The following USP3 variants were observed in gnomAD, a reference collection of about 807,000 sequenced individuals.
USP3 encodes the protein ubiquitin specific peptidase 3, also known as ubiquitin carboxyl-terminal hydrolase 3.
Under a neutral mutation model 72.3 loss-of-function variants are expected in USP3, and 20 were observed. That is an observed-to-expected ratio of 0.28 (90% CI 0.19 to 0.40). The LOEUF is 0.40. Ranked by LOEUF, USP3 falls within the 10% of genes least tolerant of loss-of-function variation. The probability of loss-of-function intolerance (pLI) is 1.00; values close to 1 mark genes in which losing one functional copy is unlikely to be tolerated. For synonymous variants in USP3, 222 were observed against 225.3 expected, an observed-to-expected ratio of 0.99 and a Z score of 0.13; for missense variants, 479 against 633.9, an observed-to-expected ratio of 0.76 and a Z score of 2.62.
At chr15:63,534,862 TGATTAA>T (rs1457432503) in intron 2 of USP3, among the ~76,000 whole-genome samples, 28 of 152,222 alleles carry the variant, frequency 1.8e-4, no homozygotes, top group South Asian at 1.0e-3. Flanking sequence ...TAAGAATAGG[TGATTAA>T]GATTAAGTAT....
At position 63,553,614 on chromosome 15, in the gene USP3, G is replaced by C; in HGVS notation, c.285-101G>C. On this transcript the variant is annotated intron_variant, in intron 3 of 14. Transcript: ENST00000380324. The surrounding 1 kb of genome is among the most constrained non-coding windows in gnomAD (Gnocchi z 4.2). ...TTACCACCAGCAGTAACTGCCTGCA[G>C]AGCCATGTGATCATCTTGGCAACAG... 1.0e-6 allele frequency: 1 copy of C among 993,788 alleles called. No individual in the cohort carries two copies. Among genetic ancestry groups the C allele is most frequent in the Non-Finnish European group, 1.4e-6 (1 of 701,592 alleles). The allele number at this position is 993,788 out of a possible 1,614,324, so 61.6% of individuals were successfully genotyped here.
chr15:63,566,316 TA>T (rs2066690229), intron 8 of USP3, among the ~76,000 whole-genome samples: 1 of 151,614 alleles, frequency 6.6e-6, no homozygotes, highest in Admixed American at 6.6e-5. Context: ...TTTTTTTTTT[TA>T]ATTTTATTTT....
chr15:63,540,418 C>T (rs1346909854), intron 3 of USP3, among the ~76,000 whole-genome samples: 1 of 152,110 alleles, frequency 6.6e-6, no homozygotes, highest in African/African-American at 2.4e-5. Flanking sequence ...TGTATTTTTC[C>T]CTAGTATGCA....
chr15:63,594,433 G>A lies in USP3; in HGVS notation c.*3607G>A, dbSNP rs1050188095. The A allele has an allele frequency of 6.6e-6, 1 of 152,206 alleles. No individual in the cohort carries two copies. The highest frequency in any genetic ancestry group is 6.5e-5 in the Admixed American group (1 of 15,278). The allele number at this position is 152,206 out of a possible 1,614,324, so 9.4% of individuals were successfully genotyped here. A position where few individuals can be genotyped will look rare whatever the true frequency, so the allele number is the denominator to read the frequency against. ...GTGCAGTGCCTTCCCCCTCAGGTGTGAGCGTGATGGACTCTAGACTGCCTT... is the reference window on the plus strand; with the variant it reads ...GTGCAGTGCCTTCCCCCTCAGGTGTAAGCGTGATGGACTCTAGACTGCCTT... On this transcript the variant is annotated 3_prime_UTR_variant, in exon 15 of 15. Transcript: ENST00000380324.
At position 63,558,228 on chromosome 15, in the gene USP3, G is replaced by T. The variant is rs759753094; in HGVS notation, c.533+40G>T. On this transcript the variant is annotated intron_variant, in intron 6 of 14. Coordinates refer to ENST00000380324, the MANE Select transcript of USP3 (RefSeq NM_006537.4). Reference sequence around the variant, plus strand: ...AGAGCTTAAGTGTCTGACATTAAAGGTTAAGAGCACGGGCTCTGGCTCCCT... The same window carrying T: ...AGAGCTTAAGTGTCTGACATTAAAGTTTAAGAGCACGGGCTCTGGCTCCCT... 44 of 1,608,942 alleles carry T rather than the reference G, an allele frequency of 2.7e-5. No homozygotes were observed. The Middle Eastern group carries it at 4.9e-4, about 18-fold the overall frequency.
chr15:63,565,831 G>C lies in USP3; in HGVS notation c.761+2823G>C, dbSNP rs964900291. Reference sequence around the variant, plus strand: ...TTGCTGTTCTAAACAGTGCTGCAGTGAGTAGTATTTTACATACATGTGCAG... The same window carrying C: ...TTGCTGTTCTAAACAGTGCTGCAGTCAGTAGTATTTTACATACATGTGCAG... On this transcript the variant is annotated intron_variant, in intron 8 of 14. Transcript: ENST00000380324. Among the ~76,000 whole-genome samples the C allele has an allele frequency of 3.9e-5, 6 of 152,206 alleles. No individual in the cohort carries two copies. The East Asian group carries it at 7.7e-4, about 20-fold the overall frequency.
intron 8 of USP3, among the ~76,000 whole-genome samples, chr15:63,565,212 A>G (rs2066669126): frequency 6.6e-6 from 1 of 152,186 alleles, no homozygotes; most frequent in Non-Finnish European, 1.5e-5. Flanking sequence ...ACAAATATAT[A>G]TACATACACA....
At chr15:63,506,516 A>G (rs77624499) in intron 1 of USP3, among the ~76,000 whole-genome samples, 10 of 152,228 alleles carry the variant, frequency 6.6e-5, no homozygotes, top group Admixed American at 5.2e-4. Context: ...AATCACATCA[A>G]ACTTAAAAAT....
At position 63,553,620 on chromosome 15, in the gene USP3, T is replaced by C; in HGVS notation, c.285-95T>C. On this transcript the variant is annotated intron_variant, in intron 3 of 14. Coordinates refer to ENST00000380324, the MANE Select transcript of USP3 (RefSeq NM_006537.4). The surrounding 1 kb of genome is among the most constrained non-coding windows in gnomAD (Gnocchi z 4.2). Reference sequence around the variant, plus strand: ...CCAGCAGTAACTGCCTGCAGAGCCATGTGATCATCTTGGCAACAGCCAGAC... The same window carrying C: ...CCAGCAGTAACTGCCTGCAGAGCCACGTGATCATCTTGGCAACAGCCAGAC... The C allele has an allele frequency of 9.1e-7, 1 of 1,096,542 alleles. No individual in the cohort carries two copies. The highest frequency in any genetic ancestry group is 1.3e-6 in the Non-Finnish European group (1 of 776,806). 67.9% of individuals were successfully genotyped at this position (1,096,542 alleles called of 1,614,324 possible).
chr15:63,556,933 C>G (rs968429208), intron 5 of USP3, 185 bp downstream of exon 5: 2 of 504,336 alleles, frequency 4.0e-6, no homozygotes, highest in South Asian at 2.7e-5. Flanking sequence ...GTGAGTCCAT[C>G]TGTCAGCACC....
At chr15:63,587,036 T>C (rs28531781) in intron 11 of USP3, among the ~76,000 whole-genome samples, 103,193 of 152,032 alleles carry the variant, frequency 0.68, 36,259 homozygotes, top group Non-Finnish European at 0.73. Flanking sequence ...TGACTATGGC[T>C]TGGAAACTTG....
At chr15:63,564,028 C>G (rs772376898) in intron 8 of USP3, among the ~76,000 whole-genome samples, 15 of 152,066 alleles carry the variant, frequency 9.9e-5, no homozygotes, top group Non-Finnish European at 2.2e-4. Context: ...TTGAGAATGT[C>G]TTGACTTTAA....
intron 9 of USP3, among the ~76,000 whole-genome samples, chr15:63,571,162 A>G (rs1000216801): frequency 1.1e-4 from 17 of 152,226 alleles, no homozygotes; most frequent in African/African-American, 1.7e-4. Context: ...TTTTGCTTGA[A>G]GAAGGGAAGA....
intron 1 of USP3, among the ~76,000 whole-genome samples, chr15:63,522,908 GA>G (rs1276289424): frequency 1.8e-4 from 28 of 152,268 alleles, no homozygotes; most frequent in African/African-American, 6.0e-4. Flanking sequence ...TGTCTTTTCT[GA>G]ATACTTCTGA....
intron 2 of USP3, chr15:63,533,984 A>G: frequency 1.0e-5 from 6 of 590,864 alleles, no homozygotes; most frequent in African/African-American, 2.0e-5. Flanking sequence ...GTGCTCTACA[A>G]CCTAAATCTT....
rs756920548 is a variant in USP3 at position 63,547,886 on chromosome 15, G to GC, written c.285-5829_285-5828insC. Among the ~76,000 whole-genome samples, 246 of 55,878 alleles carry GC rather than the reference G, an allele frequency of 4.4e-3. 27 individuals carry two copies. The highest frequency in any genetic ancestry group is 0.018 in the African/African-American group (238 of 13,368). 36.7% of individuals were successfully genotyped at this position (55,878 alleles called of 152,430 possible). A position where few individuals can be genotyped will look rare whatever the true frequency, so the allele number is the denominator to read the frequency against. On this transcript the variant is annotated intron_variant, in intron 3 of 14. Transcript: ENST00000380324. ...AGGCATAGAGAGAGAGAGAGAGAGA[G>GC]AGAGAGAGAGGCATAGAGAGAGGCA...
Position 63,570,369 on chromosome 15 carries a change from C to A in USP3, c.762-64C>A. ...TCCTTTTCCACGCCTTGGCCTCTTG[C>A]TGGTGTGGCTGGGCACAAAGAGCCC... On this transcript the variant is annotated intron_variant, in intron 8 of 14. Transcript: ENST00000380324. The surrounding 1 kb of genome is among the most constrained non-coding windows in gnomAD (Gnocchi z 4.4). The A allele has an allele frequency of 6.2e-7, 1 of 1,606,354 alleles. No individual in the cohort carries two copies. Among genetic ancestry groups the A allele is most frequent in the South Asian group, 1.1e-5 (1 of 90,378 alleles).
At chr15:63,568,606 C>G (rs1200645222) in intron 8 of USP3, among the ~76,000 whole-genome samples, 1 of 151,952 alleles carries the variant, frequency 6.6e-6, no homozygotes, top group East Asian at 1.9e-4. Context: ...ATTCTGAAGC[C>G]CAGTCATACA....
In USP3 at chr15:63,504,710, G is replaced by A. The variant is rs1288453546; in HGVS notation, c.-30G>A. On this transcript the variant is annotated 5_prime_UTR_variant, in exon 1 of 15. Coordinates refer to ENST00000380324, the MANE Select transcript of USP3 (RefSeq NM_006537.4). ...CCCCACCTCGCCGGGTCCTGGAGCC[G>A]CAGTCCTCCCAGCTGCCCTCCTCGT... 1.9e-6 allele frequency: 3 copies of A among 1,571,000 alleles called. No individual in the cohort carries two copies. Among genetic ancestry groups the A allele is most frequent in the South Asian group, 1.2e-5 (1 of 86,190 alleles).
Sources: gnomAD v4.1 joint callset for allele counts (sites outside exome capture counted in the v4.1 genomes callset) on GRCh38, gnomAD v4.1.1 for gene constraint, Gnocchi (gnomAD v3.1) non-coding constraint, MANE v1.5 for transcripts, NCBI Gene and HGNC (gene_info 2026-07-23, HGNC 2026-07-21) for gene names.